Variants in PPP1R13B observed in about 807,000 individuals in gnomAD.
PPP1R13B encodes protein phosphatase 1 regulatory subunit 13B.
PPP1R13B carries 44 observed loss-of-function variants against 119.8 expected under a neutral mutation model. That is an observed-to-expected ratio of 0.37 (90% CI 0.29 to 0.47). The LOEUF (loss-of-function observed/expected upper bound fraction) is 0.47. Among genes scored for constraint, PPP1R13B ranks in the 20% least tolerant of loss-of-function variants. The pLI, the probability that PPP1R13B is intolerant of heterozygous loss-of-function variation, is 0.99. For missense variants in PPP1R13B, 1,227 were observed against 1,413.5 expected, an observed-to-expected ratio of 0.87 and a Z score of 2.12; for synonymous variants, 542 against 561.5, an observed-to-expected ratio of 0.97 and a Z score of 0.49.
At chr14:103,807,152 T>C (rs539648120) in intron 1 of PPP1R13B, among the ~76,000 whole-genome samples, 1 of 152,326 alleles carries the variant, frequency 6.6e-6, no homozygotes, top group African/African-American at 2.4e-5. Flanking sequence ...GCACTTGCTA[T>C]TCTCTGCATA....
At chr14:103,779,994 C>T (rs958802880) in intron 3 of PPP1R13B, among the ~76,000 whole-genome samples, 4 of 151,584 alleles carry the variant, frequency 2.6e-5, no homozygotes, top group Admixed American at 6.6e-5. Context: ...AGTAAAATTA[C>T]AAAAATTACC....
At chr14:103,782,140 T>C (rs1364394009) in intron 3 of PPP1R13B, among the ~76,000 whole-genome samples, 2 of 152,058 alleles carry the variant, frequency 1.3e-5, no homozygotes, top group African/African-American at 4.8e-5. Flanking sequence ...GCCAACAACA[T>C]CCCCAGTTGC....
chr14:103,815,822 G>A (rs1401346708), intron 1 of PPP1R13B, among the ~76,000 whole-genome samples: 1 of 151,902 alleles, frequency 6.6e-6, no homozygotes, highest in Non-Finnish European at 1.5e-5. Context: ...GGTGGCTCAT[G>A]CCTGTAATCC....
intron 1 of PPP1R13B, among the ~76,000 whole-genome samples, chr14:103,820,867 AT>A (rs1055525444): frequency 2.6e-5 from 4 of 151,870 alleles, no homozygotes; most frequent in Middle Eastern, 3.2e-3. Flanking sequence ...AGGTGCCTCA[AT>A]TTTTTTCTAT....
chr14:103,742,721 G>A lies in PPP1R13B; in HGVS notation c.1253C>T (p.Ser418Phe), dbSNP rs2084290198. The change falls in exon 10 of 17, where the codon TCT becomes TTT. Residue 418 changes from serine to phenylalanine, a missense_variant. Transcript: ENST00000202556. This position sits in a 1 kb window ranked among gnomAD's most constrained non-coding sequence, Gnocchi z 4.9. ...GCTGGAGACAGTGCCCTGCTTGACAGACCCCTCCACGCTCGGATCCTTCCA... is the reference window on the plus strand; with the variant it reads ...GCTGGAGACAGTGCCCTGCTTGACAAACCCCTCCACGCTCGGATCCTTCCA... ...ADWKDPSVEGSVKQGTVSSQP... is the reference protein window; with the variant it reads ...ADWKDPSVEGFVKQGTVSSQP... 1 of 1,613,976 alleles carries A rather than the reference G, an allele frequency of 6.2e-7. No individual in the cohort carries two copies. Among genetic ancestry groups the A allele is most frequent in the Non-Finnish European group, 8.5e-7 (1 of 1,180,032 alleles).
At chr14:103,810,279 C>T (rs746874601) in intron 1 of PPP1R13B, among the ~76,000 whole-genome samples, 6 of 151,552 alleles carry the variant, frequency 4.0e-5, no homozygotes, top group Admixed American at 1.3e-4. Flanking sequence ...AAAATTAGCC[C>T]GACGTGGTGG....
chr14:103,847,075 C>T, intron 1 of PPP1R13B: 2 of 1,001,798 alleles, frequency 2.0e-6, no homozygotes, highest in Non-Finnish European at 2.4e-6. Flanking sequence ...GGAGGCCGAG[C>T]AGGAAGGGCC....
At position 103,742,433 on chromosome 14, in the gene PPP1R13B, G is replaced by T; in HGVS notation, c.1321-142C>A. The T allele has an allele frequency of 7.7e-7, 1 of 1,306,432 alleles. No individual in the cohort carries two copies. 80.9% of individuals were successfully genotyped at this position (1,306,432 alleles called of 1,614,324 possible). A position where few individuals can be genotyped will look rare whatever the true frequency, so the allele number is the denominator to read the frequency against. On this transcript the variant is annotated intron_variant, in intron 10 of 16. Transcript: ENST00000202556. The surrounding 1 kb of genome is among the most constrained non-coding windows in gnomAD (Gnocchi z 4.9). The stretch of plus-strand genomic sequence containing the variant: ...ACCAGGACTTGGGGCACACTGTTGA[G>T]CTCATTGCCTGTCTGCAAAAGTTCT...
At chr14:103,737,557 C>G in intron 15 of PPP1R13B, 137 bp downstream of exon 15, 1 of 1,142,998 alleles carries the variant, frequency 8.7e-7, no homozygotes, top group Non-Finnish European at 1.2e-6. Context: ...GCCTGGGTGA[C>G]AGAATGAGAC....
upstream of PPP1R13B, among the ~76,000 whole-genome samples, chr14:103,847,908 G>A (rs1345579633): frequency 6.6e-6 from 1 of 151,748 alleles, no homozygotes; most frequent in Non-Finnish European, 1.5e-5. Flanking sequence ...AGCGGATCAC[G>A]GCAGGGCCGG....
intron 1 of PPP1R13B, among the ~76,000 whole-genome samples, chr14:103,802,835 A>G (rs2085932906): frequency 6.6e-6 from 1 of 152,206 alleles, no homozygotes; most frequent in Non-Finnish European, 1.5e-5. Context: ...ACACCCAAAT[A>G]ACTTATCCAA....
At chr14:103,813,146 A>T (rs2086199031) in intron 1 of PPP1R13B, among the ~76,000 whole-genome samples, 1 of 152,236 alleles carries the variant, frequency 6.6e-6, no homozygotes, top group African/African-American at 2.4e-5. Flanking sequence ...ACTTGGAAGC[A>T]ACCAAGATGT....
intron 4 of PPP1R13B, among the ~76,000 whole-genome samples, chr14:103,770,707 C>A (rs567262355): frequency 6.6e-6 from 1 of 152,262 alleles, no homozygotes; most frequent in African/African-American, 2.4e-5. Context: ...CTGCTTCCAA[C>A]CTCATGGCTG....
chr14:103,754,296 G>T, intron 5 of PPP1R13B, 52 bp from the exon 6 acceptor site: 1 of 1,545,078 alleles, frequency 6.5e-7, no homozygotes, highest in Non-Finnish European at 8.8e-7. Flanking sequence ...TGGGCGCGGT[G>T]GCTCACATCT....
At position 103,761,754 on chromosome 14, in the gene PPP1R13B, C is replaced by T. The variant is rs563958672; in HGVS notation, c.355-4003G>A. Among the ~76,000 whole-genome samples, 27 of 148,770 alleles carry T rather than the reference C, an allele frequency of 1.8e-4. No homozygotes were observed. In the East Asian group the frequency reaches 4.5e-3, roughly 25 times the overall value. ...CTCCAGCCTGGGCAACAGAGCAAGA[C>T]TCCATCTCAAAAAAAAAAAAAGAAA... On this transcript the variant is annotated intron_variant, in intron 4 of 16. Transcript: ENST00000202556.
chr14:103,839,939 T>G (rs2086865075), intron 1 of PPP1R13B: 1 of 152,228 alleles, frequency 6.6e-6, no homozygotes, highest in Non-Finnish European at 1.5e-5. Context: ...AACAAGATCT[T>G]GTACTGAACT....
Position 103,741,895 on chromosome 14 carries a change from T to G in PPP1R13B, c.1717A>C (p.Thr573Pro), listed in dbSNP as rs1470096384. Reference sequence around the variant, plus strand: ...GAGTATATGGAACTTGAATTCACTGTCTGGGGTCCTTTCCTGGGAGACTGT... The same window carrying G: ...GAGTATATGGAACTTGAATTCACTGGCTGGGGTCCTTTCCTGGGAGACTGT... The part of the protein sequence containing the change: ...RPQSPRKGPQ[T>P]VNSSSIYSMY... Residue 573 changes from threonine (T) to proline (P), a missense_variant, in exon 11 of 17, where the codon ACA becomes CCA. Physicochemically the swap from Thr to Pro is conservative, Grantham distance 38. Coordinates refer to ENST00000202556, the MANE Select transcript of PPP1R13B (RefSeq NM_015316.3). The G allele has an allele frequency of 1.2e-6, 2 of 1,614,100 alleles. No homozygotes were observed. Among genetic ancestry groups the G allele is most frequent in the Admixed American group, 1.7e-5 (1 of 60,006 alleles).
At chr14:103,819,516 CAAA>C (rs11390506) in intron 1 of PPP1R13B, among the ~76,000 whole-genome samples, 1 of 137,980 alleles carries the variant, frequency 7.2e-6, no homozygotes, top group African/African-American at 2.8e-5. Context: ...AACAAACAAA[CAAA>C]AAAAAACAAC....
intron 9 of PPP1R13B, among the ~76,000 whole-genome samples, chr14:103,744,638 C>T (rs973308684): frequency 2.0e-5 from 3 of 152,190 alleles, no homozygotes; most frequent in East Asian, 1.9e-4. Flanking sequence ...TGCAGAGGGC[C>T]GCGAGGAGCC....
Sources: gnomAD v4.1 joint callset for allele counts (sites outside exome capture counted in the v4.1 genomes callset) on GRCh38, gnomAD v4.1.1 for gene constraint, Gnocchi (gnomAD v3.1) non-coding constraint, MANE v1.5 for transcripts, NCBI Gene and HGNC (gene_info 2026-07-23, HGNC 2026-07-21) for gene names.